The following ZNF710 variants were observed in gnomAD, a reference collection of about 807,000 sequenced individuals.
ZNF710 encodes zinc finger protein 710.
In ZNF710, 13 loss-of-function variants were observed where a neutral mutation model predicts 50.6. The observed-to-expected ratio is 0.26, with a 90% CI of 0.17 to 0.41. The LOEUF is 0.41. ZNF710 is among the 10% of genes least tolerant of loss of function. The pLI is 1.00. For missense variants in ZNF710, 721 were observed against 936.6 expected (o/e 0.77, Z 3.01); for synonymous variants, 383 against 397.0 (o/e 0.96, Z 0.42).
chr15:90,053,897 G>A (rs1344030099), intron 1 of ZNF710, among the ~76,000 whole-genome samples: 7 of 152,030 alleles, frequency 4.6e-5, no homozygotes, highest in African/African-American at 9.7e-5. Flanking sequence ...GCAGGGGTCC[G>A]TTCTGGGGTT....
Position 90,034,146 on chromosome 15 carries a change from C to T in ZNF710, c.-29+32532C>T, listed in dbSNP as rs571940178. ...CCAGGAGGCAGAGGTTGCAGTGAGC[C>T]GAGATCGCATCATTGTACTCCAGCC... On this transcript the variant is annotated intron_variant, in intron 1 of 4. Coordinates refer to ENST00000268154, the MANE Select transcript of ZNF710 (RefSeq NM_198526.4). This position sits in a 1 kb window ranked among gnomAD's most constrained non-coding sequence, Gnocchi z 4.0. Among the ~76,000 whole-genome samples, 85 of 151,630 alleles carry T rather than the reference C, an allele frequency of 5.6e-4. 1 individual carries two copies. Among genetic ancestry groups the T allele is most frequent in the African/African-American group, 1.8e-3 (74 of 41,276 alleles).
At chr15:90,009,388 C>T (rs905780238) in intron 1 of ZNF710, among the ~76,000 whole-genome samples, 2 of 152,068 alleles carry the variant, frequency 1.3e-5, no homozygotes, top group African/African-American at 4.8e-5. Context: ...CCATCGCTTC[C>T]CATCGTGGCT....
Position 90,073,238 on chromosome 15 carries a change from GC to G in ZNF710, c.1629del (p.Val544Ter). The G allele has an allele frequency of 6.2e-7, 1 of 1,613,456 alleles. No homozygotes were observed. The highest frequency in any genetic ancestry group is 8.5e-7 in the Non-Finnish European group (1 of 1,179,436). ...TLKTHMIVHS[P>X]VKPFKCKVCG... ...TCAAGACCCACATGATTGTACACTC[GC>G]CCGTGAAGCCATTCAAATGCAAGGT... On this transcript the variant is annotated frameshift_variant, in exon 3 of 5. Coordinates refer to ENST00000268154, the MANE Select transcript of ZNF710 (RefSeq NM_198526.4). LOFTEE classifies it high-confidence loss of function.
intron 1 of ZNF710, among the ~76,000 whole-genome samples, chr15:90,029,517 AG>A (rs1358087815): frequency 1.3e-5 from 2 of 152,202 alleles, no homozygotes; most frequent in Non-Finnish European, 2.9e-5. Context: ...ATGTAATCCT[AG>A]CACTTTGGGA....
intron 1 of ZNF710, among the ~76,000 whole-genome samples, chr15:90,016,529 A>C (rs145908617): frequency 0.011 from 1,700 of 152,078 alleles, 9 homozygotes; most frequent in Non-Finnish European, 0.017. Context: ...GCAGCCTCAA[A>C]CTCCTGGGCT....
At chr15:90,005,510 G>T (rs560660747) in intron 1 of ZNF710, among the ~76,000 whole-genome samples, 1 of 152,036 alleles carries the variant, frequency 6.6e-6, no homozygotes, top group Non-Finnish European at 1.5e-5. Flanking sequence ...GTGCAGTGGC[G>T]CGATCTCAGC....
rs139336113 is a variant in ZNF710 at position 90,068,533 on chromosome 15, A to G, written c.1396A>G (p.Thr466Ala). The G allele has an allele frequency of 1.2e-6, 2 of 1,612,258 alleles. No homozygotes were observed. The highest frequency in any genetic ancestry group is 2.7e-5 in the African/African-American group (2 of 74,932). Residue 466 changes from threonine (T) to alanine (A), a missense_variant, in exon 2 of 5, where the codon ACT becomes GCT. Thr to Ala is a moderately conservative substitution (Grantham distance 58, BLOSUM62 0). Coordinates refer to ENST00000268154, the MANE Select transcript of ZNF710 (RefSeq NM_198526.4). This position sits in a 1 kb window ranked among gnomAD's most constrained non-coding sequence, Gnocchi z 5.0. ...CCAGAACGTGCGACCCTTCGTGTGCACTGAATGCGGCATGGAGTTCAGCCA... is the reference window on the plus strand; with the variant it reads ...CCAGAACGTGCGACCCTTCGTGTGCGCTGAATGCGGCATGGAGTTCAGCCA... The part of the protein sequence containing the change: ...KHQNVRPFVC[T>A]ECGMEFSQIH...
At chr15:90,025,383 A>G (rs1898746496) in intron 1 of ZNF710, 1 of 152,220 alleles carries the variant, frequency 6.6e-6, no homozygotes, top group Non-Finnish European at 1.5e-5. Flanking sequence ...AAGAAATCTT[A>G]TTATTAAAAT....
Position 90,045,345 on chromosome 15 carries a change from G to A in ZNF710, c.-28-21765G>A, listed in dbSNP as rs12050515. On this transcript the variant is annotated intron_variant, in intron 1 of 4. Coordinates refer to ENST00000268154, the MANE Select transcript of ZNF710 (RefSeq NM_198526.4). ...AAGAAGGAAGCTGGAAATGGCGGATGGCTTCAAGGACGTGAGCCATGGAGA... is the reference window on the plus strand; with the variant it reads ...AAGAAGGAAGCTGGAAATGGCGGATAGCTTCAAGGACGTGAGCCATGGAGA... The A allele has an allele frequency of 5.5e-5, 54 of 985,414 alleles. 1 individual carries two copies. In the East Asian group the frequency reaches 4.9e-3, roughly 89 times the overall value. The allele number at this position is 985,414 out of a possible 1,614,324, so 61.0% of individuals were successfully genotyped here. A position where few individuals can be genotyped will look rare whatever the true frequency, so the allele number is the denominator to read the frequency against.
chr15:90,044,948 T>C (rs760362022), intron 1 of ZNF710, among the ~76,000 whole-genome samples: 4 of 152,170 alleles, frequency 2.6e-5, no homozygotes, highest in Non-Finnish European at 2.9e-5. Flanking sequence ...ACCCCCGCAC[T>C]GTGTCACACC....
chr15:90,074,546 A>C (rs1344583983), intron 4 of ZNF710: 3 of 1,422,674 alleles, frequency 2.1e-6, no homozygotes, highest in Non-Finnish European at 2.8e-6. Flanking sequence ...ATTGAGTGCT[A>C]ACTGTGTGCC....
intron 1 of ZNF710, among the ~76,000 whole-genome samples, chr15:90,039,934 C>A (rs576651590): frequency 1.4e-5 from 2 of 141,610 alleles, no homozygotes; most frequent in South Asian, 4.7e-4. Context: ...GGACTCTCAA[C>A]TTTTTCATAT....
intron 1 of ZNF710, among the ~76,000 whole-genome samples, chr15:90,021,784 C>T (rs1898630078): frequency 1.3e-5 from 2 of 152,132 alleles, no homozygotes; most frequent in South Asian, 2.1e-4. Context: ...TGAGTCCTAG[C>T]AGACAAAGGC....
chr15:90,012,783 A>G (rs774044707), intron 1 of ZNF710, among the ~76,000 whole-genome samples: 27 of 152,154 alleles, frequency 1.8e-4, no homozygotes, highest in Admixed American at 3.3e-4. Context: ...ACTCCATTGC[A>G]GTTGTTATTT....
intron 3 of ZNF710, among the ~76,000 whole-genome samples, chr15:90,073,489 A>G (rs1471119430): frequency 6.6e-6 from 1 of 152,162 alleles, no homozygotes; most frequent in Non-Finnish European, 1.5e-5. Context: ...GAGGGAGTGA[A>G]GGTCATGGTG....
At position 90,062,354 on chromosome 15, in the gene ZNF710, G is replaced by C. The variant is rs1900037733; in HGVS notation, c.-28-4756G>C. 6.6e-6 allele frequency among the ~76,000 whole-genome samples: 1 copy of C among 152,174 alleles called. No homozygotes were observed. The highest frequency in any genetic ancestry group is 6.5e-5 in the Admixed American group (1 of 15,284). On this transcript the variant is annotated intron_variant, in intron 1 of 4. Transcript: ENST00000268154. The surrounding 1 kb of genome is among the most constrained non-coding windows in gnomAD (Gnocchi z 5.6). ...CACCCTGGGGACCGAGGGCATCCTG[G>C]TGGGAGGCCACGCCACATCCCAGCC...
At chr15:90,060,967 T>G (rs1230762438) in intron 1 of ZNF710, among the ~76,000 whole-genome samples, 1 of 152,212 alleles carries the variant, frequency 6.6e-6, no homozygotes, top group Non-Finnish European at 1.5e-5. Context: ...CAGGCAAGCC[T>G]GCCTTCCAGG....
chr15:90,035,630 G>C (rs1215945417), intron 1 of ZNF710, among the ~76,000 whole-genome samples: 1 of 152,210 alleles, frequency 6.6e-6, no homozygotes, highest in Non-Finnish European at 1.5e-5. Context: ...TCTCTAGCTG[G>C]GGCGGGAAGC....
At chr15:90,056,115 TA>T (rs1293151517) in intron 1 of ZNF710, among the ~76,000 whole-genome samples, 206 of 120,176 alleles carry the variant, frequency 1.7e-3, no homozygotes, top group Middle Eastern at 5.6e-3. Flanking sequence ...GACTCCATCT[TA>T]AAAAAAAAAA....
Sources: allele counts gnomAD v4.1 joint callset (sites outside exome capture counted in the v4.1 genomes callset), GRCh38; gene constraint gnomAD v4.1.1; non-coding constraint Gnocchi (gnomAD v3.1); transcripts MANE v1.5; gene names NCBI Gene and HGNC (gene_info 2026-07-23, HGNC 2026-07-21).